Variants in AGPAT3 observed in about 807,000 individuals in gnomAD.
The protein encoded by AGPAT3 is 1-acylglycerol-3-phosphate O-acyltransferase 3, also known as 1-acyl-sn-glycerol-3-phosphate acyltransferase gamma.
Under a neutral mutation model 47.3 loss-of-function variants are expected in AGPAT3, and 5 were observed. The observed-to-expected ratio is 0.11, with a 90% CI of 0.06 to 0.22. AGPAT3 has a LOEUF of 0.22. AGPAT3 is among the 10% of genes least tolerant of loss of function. The probability of loss-of-function intolerance (pLI) is 1.00; values close to 1 mark genes in which losing one functional copy is unlikely to be tolerated. For missense variants in AGPAT3, 315 were observed against 493.0 expected (o/e 0.64, Z 3.42); for synonymous variants, 212 against 208.3 (o/e 1.02, Z -0.15).
Position 43,982,451 on chromosome 21 carries a change from C to G in AGPAT3, c.*59C>G. On this transcript the variant is annotated 3_prime_UTR_variant, in exon 10 of 10. Coordinates refer to ENST00000291572, the MANE Select transcript of AGPAT3 (RefSeq NM_020132.5). The surrounding 1 kb of genome is among the most constrained non-coding windows in gnomAD (Gnocchi z 6.2). ...CGGTGGTATCCAGTTAACTCAAAAC[C>G]AACACACAGAGTGCAGGAAAAGACA... 1 of 1,254,272 alleles carries G rather than the reference C, an allele frequency of 8.0e-7. No homozygotes were observed. The highest frequency in any genetic ancestry group is 1.2e-5 in the South Asian group (1 of 81,256). 77.7% of individuals were successfully genotyped at this position (1,254,272 alleles called of 1,614,324 possible).
chr21:43,917,705 G>T (rs372530671), intron 2 of AGPAT3, among the ~76,000 whole-genome samples: 4 of 151,998 alleles, frequency 2.6e-5, no homozygotes, highest in Non-Finnish European at 4.4e-5. Flanking sequence ...GTGGGGGTCC[G>T]CATAACTCGT....
intron 3 of AGPAT3, chr21:43,960,852 C>A: frequency 1.2e-6 from 1 of 858,540 alleles, no homozygotes; most frequent in Non-Finnish European, 1.4e-6. Context: ...GGAAAAATCC[C>A]AGAAGGGGCT....
Position 43,982,939 on chromosome 21 carries a change from G to A in AGPAT3, c.*547G>A, listed in dbSNP as rs13847. 0.23 allele frequency: 35,664 copies of A among 152,880 alleles called. 5,622 individuals carry two copies. Among genetic ancestry groups the A allele is most frequent in the African/African-American group, 0.45 (18,592 of 41,472 alleles). 9.5% of individuals were successfully genotyped at this position (152,880 alleles called of 1,614,324 possible). On this transcript the variant is annotated 3_prime_UTR_variant, in exon 10 of 10. Transcript: ENST00000291572. The surrounding 1 kb of genome is among the most constrained non-coding windows in gnomAD (Gnocchi z 6.2). ...TAGTGATAAGCACACCGGCACGAACGTCAGGTCCATTCCTCGAAGTCGGAG... is the reference window on the plus strand; with the variant it reads ...TAGTGATAAGCACACCGGCACGAACATCAGGTCCATTCCTCGAAGTCGGAG...
At chr21:43,928,777 T>C (rs2087140770) in intron 2 of AGPAT3, among the ~76,000 whole-genome samples, 1 of 152,188 alleles carries the variant, frequency 6.6e-6, no homozygotes, top group Admixed American at 6.5e-5. Context: ...GAGGAGGGTG[T>C]GTTTGCGTGT....
rs1303276235 is a variant in AGPAT3 at position 43,932,534 on chromosome 21, C to T, written c.-48-27100C>T. 5.9e-5 allele frequency among the ~76,000 whole-genome samples: 9 copies of T among 152,212 alleles called. No individual in the cohort carries two copies. Among genetic ancestry groups the T allele is most frequent in the Non-Finnish European group, 8.8e-5 (6 of 68,040 alleles). On this transcript the variant is annotated intron_variant, in intron 2 of 9. Transcript: ENST00000291572. The surrounding 1 kb of genome is among the most constrained non-coding windows in gnomAD (Gnocchi z 5.2). ...TGGTGGGCACCTGGGCTGCCTCCATCGTGTGGCTGTTGGGGGTGATGCTGC... is the reference window on the plus strand; with the variant it reads ...TGGTGGGCACCTGGGCTGCCTCCATTGTGTGGCTGTTGGGGGTGATGCTGC...
At chr21:43,948,001 G>T (rs546719472) in intron 2 of AGPAT3, among the ~76,000 whole-genome samples, 4 of 152,206 alleles carry the variant, frequency 2.6e-5, no homozygotes, top group African/African-American at 9.6e-5. Flanking sequence ...CGAGCCATTC[G>T]CTTAGAAAAC....
intron 1 of AGPAT3, among the ~76,000 whole-genome samples, chr21:43,901,065 G>C (rs1249497760): frequency 6.6e-6 from 1 of 152,218 alleles, no homozygotes; most frequent in Non-Finnish European, 1.5e-5. Context: ...CCTTTGGGAG[G>C]CTGAGGCAGG....
chr21:43,968,143 G>A (rs746821902), intron 4 of AGPAT3, 28 bp downstream of exon 4: 17 of 1,610,466 alleles, frequency 1.1e-5, no homozygotes, highest in Non-Finnish European at 1.3e-5. Context: ...GAGGGCCACG[G>A]GTGAGCAGGA....
chr21:43,895,509 ATT>A lies in AGPAT3; in HGVS notation c.-111-8428_-111-8427del, dbSNP rs10716158. The stretch of plus-strand genomic sequence containing the variant: ...GCGTCAGCCTATATGTAGTGACAGG[ATT>A]TTTTTTTTTTTTTTTTTTTACTATT... On this transcript the variant is annotated intron_variant, in intron 1 of 9. Transcript: ENST00000291572. Among the ~76,000 whole-genome samples, 378 of 122,236 alleles carry A rather than the reference ATT, an allele frequency of 3.1e-3. 2 individuals carry two copies. The highest frequency in any genetic ancestry group is 8.6e-3 in the Middle Eastern group (2 of 232). The allele number at this position is 122,236 out of a possible 152,430, so 80.2% of individuals were successfully genotyped here.
At chr21:43,950,121 C>G (rs2146478637) in intron 2 of AGPAT3, among the ~76,000 whole-genome samples, 1 of 152,328 alleles carries the variant, frequency 6.6e-6, no homozygotes, top group East Asian at 1.9e-4. Context: ...TGACCTAGAG[C>G]CATTAAGAGA....
At chr21:43,905,242 T>C (rs1007872424) in intron 2 of AGPAT3, among the ~76,000 whole-genome samples, 6 of 151,698 alleles carry the variant, frequency 4.0e-5, no homozygotes, top group Admixed American at 3.9e-4. Flanking sequence ...CGGGCTGGAG[T>C]GCAGTAGAAC....
At chr21:43,907,076 G>C (rs1283237112) in intron 2 of AGPAT3, among the ~76,000 whole-genome samples, 1 of 146,834 alleles carries the variant, frequency 6.8e-6, no homozygotes, top group Non-Finnish European at 1.5e-5. Context: ...CTGTCTCCCA[G>C]GCTGGAGCTC....
chr21:43,975,029 G>A (rs898000816), intron 7 of AGPAT3, among the ~76,000 whole-genome samples: 14 of 151,952 alleles, frequency 9.2e-5, no homozygotes, highest in African/African-American at 2.2e-4. Flanking sequence ...GTGTACTGGC[G>A]TTTGCTGATG....
intron 7 of AGPAT3, among the ~76,000 whole-genome samples, chr21:43,974,695 GGT>G (rs2089538376): frequency 6.6e-6 from 1 of 151,156 alleles, no homozygotes; most frequent in Admixed American, 6.6e-5. Context: ...AATCAGGGTT[GGT>G]GTGTGTGGTG....
intron 2 of AGPAT3, among the ~76,000 whole-genome samples, chr21:43,924,190 A>ATT (rs35611407): frequency 7.0e-5 from 10 of 141,918 alleles, no homozygotes; most frequent in African/African-American, 2.6e-4. Context: ...ATTTTTTTGT[A>ATT]TTTTTTTTTT....
chr21:43,901,250 GAGTTCGAGGC>G, intron 1 of AGPAT3, among the ~76,000 whole-genome samples: 1 of 151,518 alleles, frequency 6.6e-6, no homozygotes, highest in Non-Finnish European at 1.5e-5. Flanking sequence ...CTTGAGCCTG[GAGTTCGAGGC>G]TGCAGTGAGC....
At chr21:43,958,977 ATG>A (rs1005357567) in intron 2 of AGPAT3, among the ~76,000 whole-genome samples, 10 of 91,442 alleles carry the variant, frequency 1.1e-4, no homozygotes, top group Middle Eastern at 0.012. Context: ...TGTGTGTGGC[ATG>A]TGTGTGGTTT....
At position 43,941,951 on chromosome 21, in the gene AGPAT3, G is replaced by A. The variant is rs555690577; in HGVS notation, c.-48-17683G>A. On this transcript the variant is annotated intron_variant, in intron 2 of 9. Transcript: ENST00000291572. ...GAGCAGCTGCTCGTAATTGGCTTATGCCAAGCCTCTCAGCTTCAGCCTGCT... is the reference window on the plus strand; with the variant it reads ...GAGCAGCTGCTCGTAATTGGCTTATACCAAGCCTCTCAGCTTCAGCCTGCT... Among the ~76,000 whole-genome samples, 280 of 152,390 alleles carry A rather than the reference G, an allele frequency of 1.8e-3. 1 individual carries two copies. Among genetic ancestry groups the A allele is most frequent in the Middle Eastern group, 0.017 (5 of 294 alleles).
intron 1 of AGPAT3, among the ~76,000 whole-genome samples, chr21:43,871,962 C>T (rs1021045413): frequency 1.5e-4 from 23 of 152,094 alleles, no homozygotes; most frequent in Non-Finnish European, 2.6e-4. Context: ...TTAAGTTCTT[C>T]CCAATTCTTG....
Sources: allele counts gnomAD v4.1 joint callset (sites outside exome capture counted in the v4.1 genomes callset), GRCh38; gene constraint gnomAD v4.1.1; non-coding constraint Gnocchi (gnomAD v3.1); transcripts MANE v1.5; gene names NCBI Gene and HGNC (gene_info 2026-07-23, HGNC 2026-07-21).